PIK3CA: variants seen among roughly 807,000 people sequenced by gnomAD.
The protein encoded by PIK3CA is phosphatidylinositol 4,5-bisphosphate 3-kinase catalytic subunit alpha isoform.
A neutral mutation model predicts 138.2 loss-of-function variants in PIK3CA; 27 were observed. The observed-to-expected ratio is 0.20, with a 90% confidence interval of 0.14 to 0.27. The LOEUF (loss-of-function observed/expected upper bound fraction) is 0.27, where lower values mean the gene tolerates loss of function less well. Ranked by LOEUF, PIK3CA falls within the 10% of genes least tolerant of loss-of-function variation. The pLI, the probability that PIK3CA is intolerant of heterozygous loss-of-function variation, is 1.00. For synonymous variants in PIK3CA, 358 were observed against 413.2 expected, an observed-to-expected ratio of 0.87 and a Z score of 1.62; for missense variants, 544 against 1,277.4, an observed-to-expected ratio of 0.43 and a Z score of 8.75.
intron 20 of PIK3CA, among the ~76,000 whole-genome samples, chr3:179,232,988 G>A (rs1307848285): frequency 6.6e-6 from 1 of 152,054 alleles, no homozygotes; most frequent in African/African-American, 2.4e-5. Flanking sequence ...TTTCCAAGTA[G>A]CTGGGATTAC....
rs1175687841 is a variant in PIK3CA, at chr3:179,236,967, G to A, written c.*2603G>A. The A allele has an allele frequency of 4.5e-5, 9 of 201,000 alleles. No individual in the cohort carries two copies. In the East Asian group the frequency reaches 5.4e-4, roughly 12 times the overall value. 12.5% of individuals were successfully genotyped at this position (201,000 alleles called of 1,614,324 possible). A position where few individuals can be genotyped will look rare whatever the true frequency, so the allele number is the denominator to read the frequency against. Reference sequence around the variant, plus strand: ...GACTATCCTTGTCCTTGAATATGGTGTAACTGACTATTGGCTCTACAGTTT... The same window carrying A: ...GACTATCCTTGTCCTTGAATATGGTATAACTGACTATTGGCTCTACAGTTT... On this transcript the variant is annotated 3_prime_UTR_variant, in exon 21 of 21. Coordinates refer to ENST00000263967, the MANE Select transcript of PIK3CA (RefSeq NM_006218.4).
At chr3:179,175,219 A>G (rs1723666410) in intron 1 of PIK3CA, among the ~76,000 whole-genome samples, 1 of 152,164 alleles carries the variant, frequency 6.6e-6, no homozygotes, top group Non-Finnish European at 1.5e-5. Flanking sequence ...GAGATTTTAC[A>G]TACCTGAATA....
intron 1 of PIK3CA, among the ~76,000 whole-genome samples, chr3:179,182,175 A>G (rs1182273045): frequency 1.3e-5 from 2 of 150,104 alleles, no homozygotes; most frequent in African/African-American, 5.0e-5. Flanking sequence ...TAGCTCATGA[A>G]TCATAACATG....
chr3:179,150,170 CGTGT>C (rs35995073), intron 1 of PIK3CA, among the ~76,000 whole-genome samples: 34,927 of 147,014 alleles, frequency 0.24, 4,349 homozygotes, highest in Non-Finnish European at 0.3. Flanking sequence ...TGTGTGTTTA[CGTGT>C]GTGTGTGTGT....
At chr3:179,179,952 G>C (rs573120554) in intron 1 of PIK3CA, among the ~76,000 whole-genome samples, 1 of 152,064 alleles carries the variant, frequency 6.6e-6, no homozygotes. Flanking sequence ...TGAGGTAAAA[G>C]ATTATGGAGC....
chr3:179,211,545 T>C (rs1724711492), intron 9 of PIK3CA, among the ~76,000 whole-genome samples: 1 of 152,110 alleles, frequency 6.6e-6, no homozygotes, highest in Non-Finnish European at 1.5e-5. Flanking sequence ...CATGTGCCTG[T>C]AATCCCAGCT....
chr3:179,193,899 C>G (rs894711703), intron 1 of PIK3CA, among the ~76,000 whole-genome samples: 4 of 152,136 alleles, frequency 2.6e-5, no homozygotes, highest in Admixed American at 1.3e-4. Context: ...TCTGTGACCT[C>G]AAACCTCCAA....
intron 1 of PIK3CA, among the ~76,000 whole-genome samples, chr3:179,158,266 C>T (rs1723188330): frequency 6.6e-6 from 1 of 152,030 alleles, no homozygotes; most frequent in Non-Finnish European, 1.5e-5. Context: ...CATACCTACT[C>T]CTAAGGGAAG....
At chr3:179,232,854 A>T (rs977896057) in intron 20 of PIK3CA, among the ~76,000 whole-genome samples, 1 of 151,634 alleles carries the variant, frequency 6.6e-6, no homozygotes, top group Non-Finnish European at 1.5e-5. Flanking sequence ...CAAATCTAGG[A>T]GTCTTTTTTT....
intron 6 of PIK3CA, among the ~76,000 whole-genome samples, chr3:179,206,019 C>A (rs2677764): frequency 6.6e-6 from 1 of 151,572 alleles, no homozygotes; most frequent in Non-Finnish European, 1.5e-5. Context: ...CTACCTAAAC[C>A]ACTGTAGGTC....
At chr3:179,208,489 A>G (rs1724625022) in intron 6 of PIK3CA, among the ~76,000 whole-genome samples, 1 of 152,216 alleles carries the variant, frequency 6.6e-6, no homozygotes, top group Non-Finnish European at 1.5e-5. Flanking sequence ...CATTTCATAG[A>G]GGAGGCAAAA....
At chr3:179,173,601 CA>C (rs535558319) in intron 1 of PIK3CA, among the ~76,000 whole-genome samples, 47 of 151,310 alleles carry the variant, frequency 3.1e-4, no homozygotes, top group African/African-American at 1.1e-3. Flanking sequence ...GCTAGAATAA[CA>C]AAAAATTTAT....
At chr3:179,200,053 A>C (rs1724372828) in intron 3 of PIK3CA, among the ~76,000 whole-genome samples, 154 bp downstream of exon 3, 1 of 151,796 alleles carries the variant, frequency 6.6e-6, no homozygotes, top group Non-Finnish European at 1.5e-5. Context: ...GTTGAGTGCT[A>C]AATAGAAATT....
At chr3:179,174,889 TG>T (rs1723656787) in intron 1 of PIK3CA, among the ~76,000 whole-genome samples, 1 of 152,240 alleles carries the variant, frequency 6.6e-6, no homozygotes, top group Non-Finnish European at 1.5e-5. Flanking sequence ...CCATTGTGTC[TG>T]AATTTGTCTT....
At chr3:179,176,620 A>T (rs1314342255) in intron 1 of PIK3CA, among the ~76,000 whole-genome samples, 1 of 152,102 alleles carries the variant, frequency 6.6e-6, no homozygotes, top group Non-Finnish European at 1.5e-5. Flanking sequence ...CATCTTGGAG[A>T]TCTTTTCATG....
At position 179,152,429 on chromosome 3, in the gene PIK3CA, C is replaced by A. The variant is rs534153052; in HGVS notation, c.-77+3826C>A. Reference sequence around the variant, plus strand: ...CTCTACATGGTTCTCAGTGATCTAGCCTTAAAATTCTGTGAGTATCAACAG... The same window carrying A: ...CTCTACATGGTTCTCAGTGATCTAGACTTAAAATTCTGTGAGTATCAACAG... On this transcript the variant is annotated intron_variant, in intron 1 of 20. Transcript: ENST00000263967. Among the ~76,000 whole-genome samples, 3 of 152,196 alleles carry A rather than the reference C, an allele frequency of 2.0e-5. No homozygotes were observed. The South Asian group carries it at 6.2e-4, about 32-fold the overall frequency.
chr3:179,217,957 GTTACTA>G (rs1724874422), intron 9 of PIK3CA, among the ~76,000 whole-genome samples: 1 of 152,006 alleles, frequency 6.6e-6, no homozygotes, highest in Non-Finnish European at 1.5e-5. Context: ...AACTTCAGCA[GTTACTA>G]TTCTGTGACT....
chr3:179,161,522 CCCCGTCT>C (rs2108354911), intron 1 of PIK3CA, among the ~76,000 whole-genome samples: 1 of 152,058 alleles, frequency 6.6e-6, no homozygotes, highest in Non-Finnish European at 1.5e-5. Context: ...CATGGCAAAA[CCCCGTCT>C]CTACCAAAAA....
chr3:179,225,905 GA>G (rs2108419242), intron 16 of PIK3CA, 56 bp from the exon 17 acceptor site: 1 of 844,790 alleles, frequency 1.2e-6, no homozygotes, highest in African/African-American at 1.7e-5. Context: ...GTGATGGCGT[GA>G]TCCCCAAATT....
Sources: gnomAD v4.1 joint callset for allele counts (sites outside exome capture counted in the v4.1 genomes callset) on GRCh38, gnomAD v4.1.1 for gene constraint, MANE v1.5 for transcripts, NCBI Gene and HGNC (gene_info 2026-07-23, HGNC 2026-07-21) for gene names.